KLHDC2: variants seen among roughly 807,000 people sequenced by gnomAD.
KLHDC2 encodes the protein kelch domain-containing protein 2.
In KLHDC2, 38 loss-of-function variants were observed where a neutral mutation model predicts 62.3. The observed-to-expected ratio is 0.61, with a 90% confidence interval of 0.47 to 0.80. KLHDC2 has a LOEUF of 0.80. Ranked by LOEUF, KLHDC2 falls within the 30% of genes least tolerant of loss-of-function variation. The pLI is 0.00. For missense variants in KLHDC2, 430 were observed against 495.3 expected, an observed-to-expected ratio of 0.87 and a Z score of 1.25; for synonymous variants, 159 against 161.0, an observed-to-expected ratio of 0.99 and a Z score of 0.09.
At position 49,779,690 on chromosome 14, in the gene KLHDC2, G is replaced by T. The variant is rs757247151; in HGVS notation, c.714+15G>T. 1 of 1,611,938 alleles carries T rather than the reference G, an allele frequency of 6.2e-7. No individual in the cohort carries two copies. ...GCAGATATCGAGTAAGTATTCAAAC[G>T]ACTTCAATGACTTGCTTTTGAATTC... On this transcript the variant is annotated intron_variant, in intron 7 of 12. Coordinates refer to ENST00000298307, the MANE Select transcript of KLHDC2 (RefSeq NM_014315.3).
chr14:49,778,612 T>A (rs1889821554), intron 6 of KLHDC2, 118 bp downstream of exon 6: 6 of 596,184 alleles, frequency 1.0e-5, no homozygotes, highest in Non-Finnish European at 1.8e-5. Context: ...AGTTCATTCT[T>A]GTTTTCTGGG....
chr14:49,770,536 T>C (rs1292845022), intron 1 of KLHDC2, among the ~76,000 whole-genome samples: 5 of 152,122 alleles, frequency 3.3e-5, no homozygotes, highest in Non-Finnish European at 5.9e-5. Context: ...TGTGTCAACA[T>C]TGTTCAGAAA....
rs955064050 is a variant in KLHDC2 at position 49,768,247 on chromosome 14, C to T, written c.-222C>T. 9.7e-6 allele frequency: 4 copies of T among 413,774 alleles called. No individual in the cohort carries two copies. The highest frequency in any genetic ancestry group is 1.7e-5 in the Non-Finnish European group (4 of 238,462). 25.6% of individuals were successfully genotyped at this position (413,774 alleles called of 1,614,324 possible). On this transcript the variant is annotated 5_prime_UTR_variant, in exon 1 of 13. Coordinates refer to ENST00000298307, the MANE Select transcript of KLHDC2 (RefSeq NM_014315.3). ...CGCCGCCGCCGCCCGGCTCCGCTCGCGGCCCCTCTGTCTGCAGGCGTGCCC... is the reference window on the plus strand; with the variant it reads ...CGCCGCCGCCGCCCGGCTCCGCTCGTGGCCCCTCTGTCTGCAGGCGTGCCC...
chr14:49,780,257 T>TAACA lies in KLHDC2; in HGVS notation c.819_822dup (p.Pro275AsnfsTer17), dbSNP rs1889862432. 5.0e-6 allele frequency: 8 copies of TAACA among 1,613,732 alleles called. No individual in the cohort carries two copies. Among genetic ancestry groups the TAACA allele is most frequent in the African/African-American group, 1.3e-5 (1 of 74,936 alleles). On this transcript the variant is annotated frameshift_variant, in exon 9 of 13. Coordinates refer to ENST00000298307, the MANE Select transcript of KLHDC2 (RefSeq NM_014315.3). LOFTEE classifies it high-confidence loss of function. ...CCAGTTGGTCGATCTTGGCACTCAC[T>TAACA]AACACCAGTTTCTTCAGATCATCTT...
Position 49,784,554 on chromosome 14 carries a change from C to A in KLHDC2, c.*1601C>A. The A allele has an allele frequency of 1.1e-6, 1 of 918,888 alleles. No individual in the cohort carries two copies. Among genetic ancestry groups the A allele is most frequent in the Non-Finnish European group, 1.7e-6 (1 of 580,750 alleles). The allele number at this position is 918,888 out of a possible 1,614,324, so 56.9% of individuals were successfully genotyped here. A position where few individuals can be genotyped will look rare whatever the true frequency, so the allele number is the denominator to read the frequency against. ...AGTTCATTTTTATAATGCGGAAATCCTGATACATGGTGCTTTCATCTTTGA... is the reference window on the plus strand; with the variant it reads ...AGTTCATTTTTATAATGCGGAAATCATGATACATGGTGCTTTCATCTTTGA... On this transcript the variant is annotated 3_prime_UTR_variant, in exon 13 of 13. Coordinates refer to ENST00000298307, the MANE Select transcript of KLHDC2 (RefSeq NM_014315.3).
intron 2 of KLHDC2, among the ~76,000 whole-genome samples, chr14:49,774,027 T>G (rs1166905517): frequency 6.6e-6 from 1 of 152,244 alleles, no homozygotes; most frequent in African/African-American, 2.4e-5. Context: ...AGATCAATTT[T>G]TAGATTCAGA....
intron 7 of KLHDC2, 23 bp from the exon 8 acceptor site, chr14:49,779,725 A>T: frequency 6.2e-7 from 1 of 1,610,198 alleles, no homozygotes; most frequent in Non-Finnish European, 8.5e-7. Flanking sequence ...CTTCAAAATG[A>T]TAACTTAATT....
In KLHDC2 at chr14:49,785,059, A is replaced by C. The variant is rs1890101625; in HGVS notation, c.*2106A>C. 6.2e-7 allele frequency: 1 copy of C among 1,607,896 alleles called. No individual in the cohort carries two copies. The highest frequency in any genetic ancestry group is 8.5e-7 in the Non-Finnish European group (1 of 1,174,740). ...CTACTGTTAAGTCACTGAACTGTTT[A>C]AAATCATAATTCAAAAAAACAAATT... is the stretch of plus-strand genomic sequence containing the variant. On this transcript the variant is annotated 3_prime_UTR_variant, in exon 13 of 13. Coordinates refer to ENST00000298307, the MANE Select transcript of KLHDC2 (RefSeq NM_014315.3).
rs1298509983 is a variant in KLHDC2, at chr14:49,783,317, A to C, written c.*364A>C. ...TATAGATTTTTTTTTTTTTAATGGCAAGAGTAGTCTATAGTTATGTAACCT... is the reference window on the plus strand; with the variant it reads ...TATAGATTTTTTTTTTTTTAATGGCCAGAGTAGTCTATAGTTATGTAACCT... On this transcript the variant is annotated 3_prime_UTR_variant, in exon 13 of 13. Coordinates refer to ENST00000298307, the MANE Select transcript of KLHDC2 (RefSeq NM_014315.3). The C allele has an allele frequency of 1.3e-5, 2 of 157,202 alleles. No individual in the cohort carries two copies. The highest frequency in any genetic ancestry group is 3.7e-4 in the East Asian group (2 of 5,398). 9.7% of individuals were successfully genotyped at this position (157,202 alleles called of 1,614,324 possible). A position where few individuals can be genotyped will look rare whatever the true frequency, so the allele number is the denominator to read the frequency against.
intron 2 of KLHDC2, among the ~76,000 whole-genome samples, chr14:49,772,089 G>T (rs1185633562): frequency 2.6e-5 from 4 of 152,106 alleles, no homozygotes; most frequent in Non-Finnish European, 4.4e-5. Flanking sequence ...CTTTAGCTTA[G>T]CTGCTAAGCT....
At chr14:49,782,124 A>G in intron 10 of KLHDC2, 1 of 457,876 alleles carries the variant, frequency 2.2e-6, no homozygotes, top group Non-Finnish European at 3.9e-6. Context: ...TAGAGAACAG[A>G]TCGTTCAGTT....
rs759841923 is a variant in KLHDC2 at position 49,782,527 on chromosome 14, C to CTATT, written c.1045-9_1045-6dup. 9 of 1,603,452 alleles carry CTATT rather than the reference C, an allele frequency of 5.6e-6. No homozygotes were observed. The highest frequency in any genetic ancestry group is 3.4e-5 in the Admixed American group (2 of 59,086). ...GCATTTGCTTTTAAATGTGTTCTTC[C>CTATT]TATTTATTTTTCAGGCACACAGTAA... is the stretch of plus-strand genomic sequence containing the variant. On this transcript the variant is annotated splice_polypyrimidine_tract_variant and intron_variant, in intron 11 of 12. Coordinates refer to ENST00000298307, the MANE Select transcript of KLHDC2 (RefSeq NM_014315.3).
In KLHDC2 at chr14:49,786,023, G is replaced by A. The variant is rs1890162251; in HGVS notation, c.*3070G>A. 1 of 152,470 alleles carries A rather than the reference G, an allele frequency of 6.6e-6. No homozygotes were observed. Among genetic ancestry groups the A allele is most frequent in the Non-Finnish European group, 1.5e-5 (1 of 68,312 alleles). 9.4% of individuals were successfully genotyped at this position (152,470 alleles called of 1,614,324 possible). A position where few individuals can be genotyped will look rare whatever the true frequency, so the allele number is the denominator to read the frequency against. On this transcript the variant is annotated 3_prime_UTR_variant, in exon 13 of 13. Transcript: ENST00000298307. ...ACATGGAAATGGGACTAATACCTTGGCTATACCACTATTTCTCGTCCTGGG... is the reference window on the plus strand; with the variant it reads ...ACATGGAAATGGGACTAATACCTTGACTATACCACTATTTCTCGTCCTGGG...
Position 49,778,464 on chromosome 14 carries a change from A to G in KLHDC2, c.603A>G (p.Glu201=). 4 of 1,591,104 alleles carry G rather than the reference A, an allele frequency of 2.5e-6. No homozygotes were observed. The highest frequency in any genetic ancestry group is 3.4e-6 in the Non-Finnish European group (4 of 1,160,860). The change falls in exon 6 of 13, where the codon GAA becomes GAG. Residue 201 remains glutamate (E), a synonymous_variant. Coordinates refer to ENST00000298307, the MANE Select transcript of KLHDC2 (RefSeq NM_014315.3). ...WNDHVHILDT[E]TFTWSQPITT... Reference sequence around the variant, plus strand: ...ATCATGTACATATTTTAGATACTGAAACATTTACCTGGAGCCAGCCTATAA... The same window carrying G: ...ATCATGTACATATTTTAGATACTGAGACATTTACCTGGAGCCAGCCTATAA...
chr14:49,778,502 AC>A lies in KLHDC2; in HGVS notation c.633+9del, dbSNP rs1239906187. 7.1e-7 allele frequency: 1 copy of A among 1,399,970 alleles called. No individual in the cohort carries two copies. The highest frequency in any genetic ancestry group is 1.0e-6 in the Non-Finnish European group (1 of 993,170). The allele number at this position is 1,399,970 out of a possible 1,614,324, so 86.7% of individuals were successfully genotyped here. ...AGCCAGCCTATAACTACTGTGAGTT[AC>A]TAAAGAATAATGAATTGTTAAGGAT... On this transcript the variant is annotated intron_variant, in intron 6 of 12. Coordinates refer to ENST00000298307, the MANE Select transcript of KLHDC2 (RefSeq NM_014315.3).
intron 5 of KLHDC2, 54 bp downstream of exon 5, chr14:49,778,313 A>AT (rs1209686290): frequency 7.3e-7 from 1 of 1,368,670 alleles, no homozygotes; most frequent in African/African-American, 1.5e-5. Flanking sequence ...GAAATAATAC[A>AT]TTTTATAAGT....
At chr14:49,772,017 A>C (rs1889675440) in intron 2 of KLHDC2, among the ~76,000 whole-genome samples, 1 of 152,214 alleles carries the variant, frequency 6.6e-6, no homozygotes, top group African/African-American at 2.4e-5. Flanking sequence ...ATATGGCTGC[A>C]AAGAAAAAAA....
rs1221203339 is a variant in KLHDC2 at position 49,768,221 on chromosome 14, G to GCGC, written c.-237_-235dup. 12 of 352,318 alleles carry GCGC rather than the reference G, an allele frequency of 3.4e-5. No homozygotes were observed. The highest frequency in any genetic ancestry group is 2.4e-4 in the South Asian group (3 of 12,488). The allele number at this position is 352,318 out of a possible 1,614,324, so 21.8% of individuals were successfully genotyped here. A position where few individuals can be genotyped will look rare whatever the true frequency, so the allele number is the denominator to read the frequency against. ...CTGCAGTGCCCCGAGTCCCGGGCCC[G>GCGC]CGCCGCCGCCGCCCGGCTCCGCTCG... On this transcript the variant is annotated 5_prime_UTR_variant, in exon 1 of 13. Coordinates refer to ENST00000298307, the MANE Select transcript of KLHDC2 (RefSeq NM_014315.3).
rs556407944 is a variant in KLHDC2, at chr14:49,784,571, C to G, written c.*1618C>G. On this transcript the variant is annotated 3_prime_UTR_variant, in exon 13 of 13. Transcript: ENST00000298307. ...CGGAAATCCTGATACATGGTGCTTT[C>G]ATCTTTGAACTTCCAAAAGGCTATA... is the stretch of plus-strand genomic sequence containing the variant. 27 of 1,112,794 alleles carry G rather than the reference C, an allele frequency of 2.4e-5. No individual in the cohort carries two copies. The African/African-American group carries it at 4.0e-4, about 17-fold the overall frequency. 68.9% of individuals were successfully genotyped at this position (1,112,794 alleles called of 1,614,324 possible).
Sources: allele counts gnomAD v4.1 joint callset (sites outside exome capture counted in the v4.1 genomes callset), GRCh38; gene constraint gnomAD v4.1.1; transcripts MANE v1.5; gene names NCBI Gene and HGNC (gene_info 2026-07-23, HGNC 2026-07-21).